Variants in KLHL32 observed in about 807,000 individuals in gnomAD.
KLHL32 encodes kelch like family member 32, also known as kelch-like protein 32.
Under a neutral mutation model 64.8 loss-of-function variants are expected in KLHL32, and 35 were observed. The ratio of observed to expected loss-of-function variants is 0.54; its 90% CI spans 0.41 to 0.72. The LOEUF (loss-of-function observed/expected upper bound fraction) is 0.72, where lower values mean the gene tolerates loss of function less well. KLHL32 is among the 30% of genes least tolerant of loss of function. KLHL32 has a pLI of 0.00. For missense variants in KLHL32, 589 were observed against 768.5 expected (o/e 0.77, Z 2.76); for synonymous variants, 259 against 281.0 (o/e 0.92, Z 0.78).
At chr6:96,947,572 G>A (rs1486488648) in intron 1 of KLHL32, among the ~76,000 whole-genome samples, 1 of 152,134 alleles carries the variant, frequency 6.6e-6, no homozygotes, top group Non-Finnish European at 1.5e-5. Flanking sequence ...CTTCTCTGAT[G>A]CTTTTATTAA....
chr6:96,912,445 A>C, the KLHL32 span, among the ~76,000 whole-genome samples: 1 of 152,058 alleles, frequency 6.6e-6, no homozygotes, highest in South Asian at 2.1e-4. Flanking sequence ...CCTAGCACCC[A>C]TTGTGATTTT....
the KLHL32 span, among the ~76,000 whole-genome samples, chr6:96,901,688 A>C: frequency 6.6e-6 from 1 of 152,172 alleles, no homozygotes; most frequent in South Asian, 2.1e-4. Flanking sequence ...CCCAGGTATT[A>C]AGCCCAGTAT....
At chr6:96,919,675 T>C (rs1287099844), upstream of KLHL32, among the ~76,000 whole-genome samples, 1 of 152,190 alleles carries the variant, frequency 6.6e-6, no homozygotes, top group African/African-American at 2.4e-5. Context: ...TTCTAAAAAG[T>C]AATGCTTTTA....
chr6:97,009,357 G>A (rs6932816), intron 3 of KLHL32, among the ~76,000 whole-genome samples: 23,955 of 151,488 alleles, frequency 0.16, 2,157 homozygotes, highest in East Asian at 0.39. Flanking sequence ...ATAATTTTTC[G>A]CAAGGCTTTG....
At chr6:97,069,894 A>G (rs904618010) in intron 5 of KLHL32, among the ~76,000 whole-genome samples, 1 of 152,058 alleles carries the variant, frequency 6.6e-6, no homozygotes, top group African/African-American at 2.4e-5. Flanking sequence ...TAATTAAGTA[A>G]TACTACAATG....
At chr6:96,993,679 C>T (rs1206112) in intron 3 of KLHL32, among the ~76,000 whole-genome samples, 56,420 of 152,028 alleles carry the variant, frequency 0.37, 12,029 homozygotes, top group African/African-American at 0.56. Flanking sequence ...GCTAACTAGT[C>T]AGGCTACCAC....
At chr6:97,082,624 AAT>A (rs1792744113) in intron 5 of KLHL32, among the ~76,000 whole-genome samples, 1 of 151,508 alleles carries the variant, frequency 6.6e-6, no homozygotes, top group Admixed American at 6.6e-5. Context: ...AAAAAAAAAA[AAT>A]AAATAAATAA....
intron 1 of KLHL32, among the ~76,000 whole-genome samples, chr6:96,960,184 A>G (rs1356825547): frequency 6.6e-6 from 1 of 152,188 alleles, no homozygotes; most frequent in African/African-American, 2.4e-5. Context: ...CATCATTATC[A>G]TCATTGTCAT....
intron 3 of KLHL32, among the ~76,000 whole-genome samples, chr6:96,998,257 C>T (rs1478708164): frequency 6.6e-6 from 1 of 152,178 alleles, no homozygotes; most frequent in Admixed American, 6.5e-5. Flanking sequence ...TTCATTCAGT[C>T]ATCCACGCCA....
At chr6:97,061,710 CTG>C (rs1788933961) in intron 4 of KLHL32, among the ~76,000 whole-genome samples, 2 of 152,284 alleles carry the variant, frequency 1.3e-5, no homozygotes, top group African/African-American at 4.8e-5. Context: ...CTCCATAAAC[CTG>C]TGTGTTTGAG....
In KLHL32 at chr6:97,009,110, G is replaced by A. The variant is rs1261037319; in HGVS notation, c.205-32382G>A. On this transcript the variant is annotated intron_variant, in intron 3 of 10. Coordinates refer to ENST00000369261, the MANE Select transcript of KLHL32 (RefSeq NM_052904.4). ...TGAGTTGTCACTTAATGGGGCTAAT[G>A]TAGAAATTAAATAAGATAAATGTCA... Among the ~76,000 whole-genome samples, 4 of 151,494 alleles carry A rather than the reference G, an allele frequency of 2.6e-5. No individual in the cohort carries two copies. In the South Asian group the frequency reaches 6.3e-4, roughly 24 times the overall value.
At chr6:96,966,876 G>A in intron 1 of KLHL32, 120 bp from the exon 2 acceptor site, 1 of 541,808 alleles carries the variant, frequency 1.8e-6, no homozygotes, top group Non-Finnish European at 3.4e-6. Flanking sequence ...CGTTTTATGT[G>A]GACAGTAAAG....
chr6:96,987,231 T>C (rs1261501203), intron 3 of KLHL32, among the ~76,000 whole-genome samples: 2 of 152,226 alleles, frequency 1.3e-5, no homozygotes, highest in East Asian at 1.9e-4. Context: ...CTGATCTTAC[T>C]TATTTCTTGC....
intron 3 of KLHL32, chr6:97,025,277 C>A: frequency 3.7e-6 from 1 of 272,264 alleles, no homozygotes; most frequent in Non-Finnish European, 5.6e-6. Context: ...GGTTGCTTTT[C>A]ATTAGCCCAT....
upstream of KLHL32, among the ~76,000 whole-genome samples, chr6:96,924,393 G>C (rs1582343046): frequency 6.6e-6 from 1 of 151,320 alleles, no homozygotes; most frequent in Non-Finnish European, 1.5e-5. Context: ...GCAGGTGCCG[G>C]AGAGCGAGGA....
chr6:97,111,067 T>G (rs1797068060), intron 6 of KLHL32, among the ~76,000 whole-genome samples: 1 of 151,930 alleles, frequency 6.6e-6, no homozygotes, highest in African/African-American at 2.4e-5. Flanking sequence ...CTGTTACATC[T>G]GGGACTGGGT....
At chr6:97,043,839 G>A (rs1223464319) in intron 4 of KLHL32, among the ~76,000 whole-genome samples, 1 of 151,994 alleles carries the variant, frequency 6.6e-6, no homozygotes. Context: ...TTGGCCATCT[G>A]TATGTCTTCT....
intron 3 of KLHL32, among the ~76,000 whole-genome samples, chr6:96,993,382 T>C (rs1302463397): frequency 6.6e-6 from 1 of 152,170 alleles, no homozygotes; most frequent in Non-Finnish European, 1.5e-5. Context: ...CTGGGCCATG[T>C]ATTTAGAAAC....
At position 97,077,837 on chromosome 6, in the gene KLHL32, G is replaced by T. The variant is rs184985559; in HGVS notation, c.412-7289G>T. Among the ~76,000 whole-genome samples the T allele has an allele frequency of 3.3e-5, 5 of 152,246 alleles. No homozygotes were observed. The East Asian group carries it at 9.6e-4, about 29-fold the overall frequency. On this transcript the variant is annotated intron_variant, in intron 5 of 10. Transcript: ENST00000369261. ...AATACTTCTCTGTTGCAATCTATGA[G>T]AAAGACATTATGATTGACATTGTGC...
Sources: gnomAD v4.1 joint callset for allele counts (sites outside exome capture counted in the v4.1 genomes callset) on GRCh38, gnomAD v4.1.1 for gene constraint, MANE v1.5 for transcripts, NCBI Gene and HGNC (gene_info 2026-07-23, HGNC 2026-07-21) for gene names.